Variants in GOLGA8B observed in about 807,000 individuals in gnomAD.
The protein encoded by GOLGA8B is golgin A8 family member B, also known as golgin subfamily A member 8B.
Under a neutral mutation model 15.6 loss-of-function variants are expected in GOLGA8B, and 1 was observed. The observed-to-expected ratio is 0.06, with a 90% CI of 0.02 to 0.30. The LOEUF is 0.30. Among genes scored for constraint, GOLGA8B ranks in the 10% least tolerant of loss-of-function variants. GOLGA8B has a pLI of 1.00. For synonymous variants in GOLGA8B, 9 were observed against 80.3 expected (o/e 0.11, Z 4.75); for missense variants, 17 against 201.3 (o/e 0.08, Z 5.54).
chr15:34,581,179 C>A (rs1889221513), intron 1 of GOLGA8B, among the ~76,000 whole-genome samples: 1 of 152,250 alleles, frequency 6.6e-6, no homozygotes, highest in Non-Finnish European at 1.5e-5. Context: ...GAGGCCCACA[C>A]CTGTTAAGTC....
chr15:34,566,909 A>G (rs1888778039), intron 1 of GOLGA8B, among the ~76,000 whole-genome samples: 1 of 122,980 alleles, frequency 8.1e-6, no homozygotes, highest in Non-Finnish European at 1.7e-5. Context: ...TGCTTCAAAT[A>G]GAAAACACAC....
intron 1 of GOLGA8B, among the ~76,000 whole-genome samples, chr15:34,573,028 T>C (rs143035877): frequency 0.23 from 34,360 of 149,166 alleles, 3,007 homozygotes; most frequent in Non-Finnish European, 0.3. Flanking sequence ...GGCAGGAGGA[T>C]TGCCTGAGCC....
intron 1 of GOLGA8B, among the ~76,000 whole-genome samples, chr15:34,580,695 G>T (rs973250023): frequency 1.3e-5 from 2 of 152,084 alleles, no homozygotes; most frequent in Non-Finnish European, 2.9e-5. Context: ...GGGTGGGGAG[G>T]AACTCTGGGA....
intron 1 of GOLGA8B, 109 bp downstream of exon 1, chr15:34,583,407 G>C (rs1280866986): frequency 2.0e-5 from 3 of 151,632 alleles, no homozygotes; most frequent in African/African-American, 7.3e-5. Flanking sequence ...GGGAGCTCTT[G>C]GCCTGCAGCT....
intron 1 of GOLGA8B, among the ~76,000 whole-genome samples, chr15:34,574,380 T>C (rs1415941773): frequency 2.6e-5 from 4 of 151,522 alleles, no homozygotes; most frequent in South Asian, 2.1e-4. Flanking sequence ...CACAACTCAC[T>C]GCAGCCTCAA....
intron 1 of GOLGA8B, among the ~76,000 whole-genome samples, chr15:34,570,335 C>G (rs558491159): frequency 1.4e-5 from 2 of 144,956 alleles, no homozygotes; most frequent in East Asian, 4.0e-4. Flanking sequence ...CCCTGCCAGA[C>G]CACTGCCCTT....
At position 34,526,092 on chromosome 15, in the gene GOLGA8B, T is replaced by C. The variant is rs1309198027; in HGVS notation, c.*1540A>G. 1 of 149,882 alleles carries C rather than the reference T, an allele frequency of 6.7e-6. No individual in the cohort carries two copies. Among genetic ancestry groups the C allele is most frequent in the Non-Finnish European group, 1.5e-5 (1 of 67,256 alleles). 9.3% of individuals were successfully genotyped at this position (149,882 alleles called of 1,614,324 possible). On this transcript the variant is annotated 3_prime_UTR_variant, in exon 24 of 24. Transcript: ENST00000683415. The stretch of plus-strand genomic sequence containing the variant: ...ACGCATAGGCACAATCACAGAAATA[T>C]TGCACAAAATATGTCCCTGACTGAA...
Position 34,547,162 on chromosome 15 carries a change from C to A in GOLGA8B, c.-574-180G>T, listed in dbSNP as rs868340253. On this transcript the variant is annotated intron_variant, in intron 4 of 23. Transcript: ENST00000683415. ...ATTCTTTTATGTCTGTTTTTTTCAT[C>A]AAAATACCGCATATAGCCATAGATT... Among the ~76,000 whole-genome samples, 135 of 34,464 alleles carry A rather than the reference C, an allele frequency of 3.9e-3. 7 individuals carry two copies. Among genetic ancestry groups the A allele is most frequent in the African/African-American group, 0.028 (129 of 4,578 alleles). The allele number at this position is 34,464 out of a possible 152,430, so 22.6% of individuals were successfully genotyped here.
At chr15:34,583,255 TA>T (rs1889297273) in intron 1 of GOLGA8B, among the ~76,000 whole-genome samples, 1 of 150,400 alleles carries the variant, frequency 6.6e-6, no homozygotes, top group Non-Finnish European at 1.5e-5. Flanking sequence ...GATGCGAGAG[TA>T]TTGCCTGGTC....
intron 1 of GOLGA8B, among the ~76,000 whole-genome samples, chr15:34,579,280 A>C (rs569628183): frequency 6.6e-6 from 1 of 151,944 alleles, no homozygotes; most frequent in African/African-American, 2.4e-5. Flanking sequence ...CACGCAGGAG[A>C]GAGTCAAGCA....
rs992312915 is a variant in GOLGA8B at position 34,574,743 on chromosome 15, G to A, written c.-1123+8773C>T. ...AATGAAGCGGGCATGGGCCTCACGG[G>A]AGGGAATACTGTCCCCCACCTCCAC... On this transcript the variant is annotated intron_variant, in intron 1 of 23. Transcript: ENST00000683415. 11 of 152,456 alleles carry A rather than the reference G, an allele frequency of 7.2e-5. 1 individual carries two copies. Among genetic ancestry groups the A allele is most frequent in the Admixed American group, 7.2e-4 (11 of 15,302 alleles). The allele number at this position is 152,456 out of a possible 1,614,324, so 9.4% of individuals were successfully genotyped here. A position where few individuals can be genotyped will look rare whatever the true frequency, so the allele number is the denominator to read the frequency against.
At chr15:34,572,919 G>A (rs1566935656) in intron 1 of GOLGA8B, among the ~76,000 whole-genome samples, 2 of 152,160 alleles carry the variant, frequency 1.3e-5, no homozygotes, top group South Asian at 4.1e-4. Flanking sequence ...CTTCTCCAGA[G>A]ATACAAGATA....
intron 12 of GOLGA8B, 67 bp from the exon 13 acceptor site, chr15:34,531,762 C>T: frequency 1.3e-6 from 1 of 754,524 alleles, no homozygotes; most frequent in South Asian, 1.9e-5. Context: ...GAGATATGCC[C>T]CCAGAATGCC....
chr15:34,577,895 T>C (rs1304078330), intron 1 of GOLGA8B, among the ~76,000 whole-genome samples: 1 of 152,236 alleles, frequency 6.6e-6, no homozygotes, highest in African/African-American at 2.4e-5. Flanking sequence ...ATAAACATTG[T>C]ACAGTTAGGC....
At chr15:34,571,653 T>G (rs1566935429) in intron 1 of GOLGA8B, among the ~76,000 whole-genome samples, 2 of 149,210 alleles carry the variant, frequency 1.3e-5, no homozygotes, top group Non-Finnish European at 3.0e-5. Context: ...TCACACCGTA[T>G]CTAAAATACA....
intron 1 of GOLGA8B, among the ~76,000 whole-genome samples, chr15:34,579,440 G>C (rs545053655): frequency 6.6e-6 from 1 of 152,260 alleles, no homozygotes; most frequent in African/African-American, 2.4e-5. Flanking sequence ...ATCCACATCC[G>C]AGGTGACTGC....
chr15:34,557,664 G>GTGTGTC (rs1888527096), intron 1 of GOLGA8B, among the ~76,000 whole-genome samples: 2 of 108,268 alleles, frequency 1.8e-5, no homozygotes, highest in East Asian at 4.6e-4. Context: ...GTGTGTGTGT[G>GTGTGTC]TGTGTGTGTG....
intron 1 of GOLGA8B, among the ~76,000 whole-genome samples, chr15:34,557,672 G>GTC (rs1224802417): frequency 1.5e-4 from 16 of 108,606 alleles, no homozygotes; most frequent in African/African-American, 5.0e-4. Flanking sequence ...GTGTGTGTGT[G>GTC]TGTGTGTGTG....
intron 1 of GOLGA8B, among the ~76,000 whole-genome samples, chr15:34,578,418 T>A (rs199697540): frequency 8.5e-4 from 130 of 152,262 alleles, no homozygotes; most frequent in Middle Eastern, 6.8e-3. Context: ...CCAATGGTCA[T>A]AAGTCCTAGT....
Sources: gnomAD v4.1 joint callset for allele counts (sites outside exome capture counted in the v4.1 genomes callset) on GRCh38, gnomAD v4.1.1 for gene constraint, MANE v1.5 for transcripts, NCBI Gene and HGNC (gene_info 2026-07-23, HGNC 2026-07-21) for gene names.